Variants in BPIFB2 observed in about 807,000 individuals in gnomAD.
The protein encoded by BPIFB2 is BPI fold containing family B member 2, also known as BPI fold-containing family B member 2.
Under a neutral mutation model 50.1 loss-of-function variants are expected in BPIFB2, and 39 were observed. The observed-to-expected ratio is 0.78, with a 90% CI of 0.60 to 1.02. BPIFB2 has a LOEUF of 1.02. Among genes scored for constraint, BPIFB2 ranks in the 50% least tolerant of loss-of-function variants. The probability of loss-of-function intolerance (pLI) is 0.00; values close to 1 mark genes in which losing one functional copy is unlikely to be tolerated. For missense variants in BPIFB2, 574 were observed against 585.8 expected (o/e 0.98, Z 0.21); for synonymous variants, 280 against 256.3 (o/e 1.09, Z -0.88).
rs554722830 is a variant in BPIFB2, at chr20:33,009,372, C to T, written c.109+689C>T. Among the ~76,000 whole-genome samples the T allele has an allele frequency of 2.6e-5, 4 of 152,264 alleles. No individual in the cohort carries two copies. The highest frequency in any genetic ancestry group is 4.4e-5 in the Non-Finnish European group (3 of 68,026). Reference sequence around the variant, plus strand: ...GGACAGACATTGCCAAGGTCCAGGACGCCAGCACAAACATGTTTATTCACC... The same window carrying T: ...GGACAGACATTGCCAAGGTCCAGGATGCCAGCACAAACATGTTTATTCACC... On this transcript the variant is annotated intron_variant, in intron 2 of 15. Coordinates refer to ENST00000170150, the MANE Select transcript of BPIFB2 (RefSeq NM_025227.3). The surrounding 1 kb of genome is among the most constrained non-coding windows in gnomAD (Gnocchi z 4.2).
In BPIFB2 at chr20:33,020,933, G is replaced by A. The variant is rs117298333; in HGVS notation, c.1194+346G>A. Among the ~76,000 whole-genome samples the A allele has an allele frequency of 8.0e-3, 1,222 of 152,286 alleles. 7 individuals are homozygous for A. Among genetic ancestry groups the A allele is most frequent in the Admixed American group, 0.017 (261 of 15,300 alleles). On this transcript the variant is annotated intron_variant, in intron 13 of 15. Transcript: ENST00000170150. ...CAACATGCCCCCCTTCTACCCAGCC[G>A]TCAGTCTGTCTGTCTGTCGGTCATC...
intron 15 of BPIFB2, among the ~76,000 whole-genome samples, chr20:33,022,088 A>G (rs1978695852): frequency 6.6e-6 from 1 of 152,250 alleles, no homozygotes; most frequent in Non-Finnish European, 1.5e-5. Flanking sequence ...TATCTGGAGC[A>G]GATGACAGTG....
intron 6 of BPIFB2, 48 bp from the exon 7 acceptor site, chr20:33,016,993 GC>G (rs1305166674): frequency 6.4e-7 from 1 of 1,570,204 alleles, no homozygotes; most frequent in Non-Finnish European, 8.8e-7. Flanking sequence ...GTGCCCTCCA[GC>G]CCCAGGGCTG....
intron 14 of BPIFB2, among the ~76,000 whole-genome samples, 153 bp from the exon 15 acceptor site, chr20:33,021,570 C>T (rs1978673331): frequency 6.6e-6 from 1 of 152,238 alleles, no homozygotes; most frequent in Admixed American, 6.5e-5. Flanking sequence ...TCCTTTTTCT[C>T]TCTGAGCCCC....
intron 11 of BPIFB2, 143 bp downstream of exon 11, chr20:33,019,893 C>T (rs1042264115): frequency 7.9e-6 from 9 of 1,145,280 alleles, no homozygotes; most frequent in Non-Finnish European, 9.5e-6. Context: ...GCCCCAGGAC[C>T]TTTGCATGTG....
chr20:33,010,261 CT>C (rs1990267869), intron 2 of BPIFB2, among the ~76,000 whole-genome samples: 1 of 152,212 alleles, frequency 6.6e-6, no homozygotes, highest in African/African-American at 2.4e-5. Context: ...CCAAAGCCAG[CT>C]TTCCCTGGCC....
Position 33,018,248 on chromosome 20 carries a change from G to T in BPIFB2, c.578-11G>T, listed in dbSNP as rs112902255. 5.1e-4 allele frequency: 816 copies of T among 1,598,218 alleles called. 5 individuals carry two copies. In the African/African-American group the frequency reaches 8.9e-3, roughly 18 times the overall value. On this transcript the variant is annotated splice_polypyrimidine_tract_variant and intron_variant, in intron 7 of 15. Transcript: ENST00000170150. ...ATGCCATCTTTTCTTCTCTACCCTG[G>T]TTTCATGAAGGCCTCAACCCCGTGG...
rs1386475417 is a variant in BPIFB2, at chr20:33,018,712, G to A, written c.745G>A (p.Gly249Ser). 1.2e-6 allele frequency: 2 copies of A among 1,614,186 alleles called. No homozygotes were observed. The highest frequency in any genetic ancestry group is 1.7e-5 in the Admixed American group (1 of 60,028). Residue 249 changes from glycine to serine, a missense_variant, in exon 9 of 16, where the codon GGT becomes AGT. Physicochemically the swap from Gly to Ser is moderately conservative, Grantham distance 56. Transcript: ENST00000170150. ...CCCTTTTGTGTTGCCAAGGCATGTGGGTACCGAGGGCTCCATGGCCACCGT... is the reference window on the plus strand; with the variant it reads ...CCCTTTTGTGTTGCCAAGGCATGTGAGTACCGAGGGCTCCATGGCCACCGT... ...ATPFVLPRHV[G>S]TEGSMATVGL...
intron 10 of BPIFB2, among the ~76,000 whole-genome samples, chr20:33,019,348 T>C (rs1348938489): frequency 2.0e-5 from 3 of 152,084 alleles, no homozygotes; most frequent in Non-Finnish European, 2.9e-5. Context: ...TCTCCTCCCT[T>C]TCCCTTATCC....
intron 7 of BPIFB2, among the ~76,000 whole-genome samples, chr20:33,017,925 C>T (rs1365458582): frequency 1.3e-5 from 2 of 152,170 alleles, no homozygotes; most frequent in Non-Finnish European, 2.9e-5. Context: ...TGCTTCTCAC[C>T]TTTGTCAGGG....
In BPIFB2 at chr20:33,015,428, T is replaced by C; in HGVS notation, c.456-8T>C. The C allele has an allele frequency of 6.2e-7, 1 of 1,611,342 alleles. No individual in the cohort carries two copies. The highest frequency in any genetic ancestry group is 8.5e-7 in the Non-Finnish European group (1 of 1,178,820). ...AGCCCAGGAACTCTTTCTGTGTTTC[T>C]CCCTCAGCACCTCCCACGCGCTGCT... On this transcript the variant is annotated splice_polypyrimidine_tract_variant and splice_region_variant and intron_variant, in intron 5 of 15. Coordinates refer to ENST00000170150, the MANE Select transcript of BPIFB2 (RefSeq NM_025227.3).
At chr20:33,014,021 G>A in intron 5 of BPIFB2, 65 bp downstream of exon 5, 4 of 1,557,684 alleles carry the variant, frequency 2.6e-6, no homozygotes, top group Non-Finnish European at 2.6e-6. Context: ...GCTGTTTCCT[G>A]AGCTGCCCAC....
In BPIFB2 at chr20:33,012,839, C is replaced by A; in HGVS notation, c.240C>A (p.His80Gln). The A allele has an allele frequency of 6.2e-7, 1 of 1,614,108 alleles. No homozygotes were observed. Residue 80 changes from histidine (H) to glutamine (Q), a missense_variant, in exon 4 of 16, where the codon CAC (histidine) becomes CAA (glutamine). His to Gln is a conservative substitution (Grantham distance 24). Coordinates refer to ENST00000170150, the MANE Select transcript of BPIFB2 (RefSeq NM_025227.3). The stretch of plus-strand genomic sequence containing the variant: ...TGAATGTCCATGTGCCCCGCCTCCA[C>A]CTGAAATTCATTGCTGGTTTCGGAG... ...RILNVHVPRL[H>Q]LKFIAGFGVR...
At chr20:33,012,462 G>C (rs2146350025) in intron 3 of BPIFB2, among the ~76,000 whole-genome samples, 1 of 152,344 alleles carries the variant, frequency 6.6e-6, no homozygotes, top group East Asian at 1.9e-4. Context: ...ATACCAGAGA[G>C]AGGATTTCTG....
In BPIFB2 at chr20:33,013,830, T is replaced by G; in HGVS notation, c.329T>G (p.Leu110Arg). 6.2e-7 allele frequency: 1 copy of G among 1,613,700 alleles called. No homozygotes were observed. Among genetic ancestry groups the G allele is most frequent in the Non-Finnish European group, 8.5e-7 (1 of 1,179,948 alleles). ...TACAGCGCCCCAGAGCCCCTGGAGC[T>G]GACGCTGCCTGTGGAACTGCTGGCT... Reference protein sequence around the residue: ...KVFRAPEPLELTLPVELLADT... With the variant: ...KVFRAPEPLERTLPVELLADT... The change falls in exon 5 of 16, where the codon CTG becomes CGG. Residue 110 changes from leucine to arginine, a missense_variant. Physicochemically the swap from Leu to Arg is moderately radical, Grantham distance 102. Coordinates refer to ENST00000170150, the MANE Select transcript of BPIFB2 (RefSeq NM_025227.3).
In BPIFB2 at chr20:33,013,856, G is replaced by A. The variant is rs1191765213; in HGVS notation, c.355G>A (p.Asp119Asn). The A allele has an allele frequency of 2.5e-6, 4 of 1,613,702 alleles. No individual in the cohort carries two copies. The highest frequency in any genetic ancestry group is 1.7e-6 in the Non-Finnish European group (2 of 1,179,912). The change falls in exon 5 of 16, where the codon GAC (aspartate) becomes AAC (asparagine). Residue 119 changes from aspartate (D) to asparagine (N), a missense_variant. Coordinates refer to ENST00000170150, the MANE Select transcript of BPIFB2 (RefSeq NM_025227.3). ...GACGCTGCCTGTGGAACTGCTGGCT[G>A]ACACCCGCGTGACCCAGAGCTCCAT... ...ELTLPVELLA[D>N]TRVTQSSIRT...
rs1476761505 is a variant in BPIFB2, at chr20:33,021,771, A to G, written c.1307A>G (p.Tyr436Cys). Residue 436 changes from tyrosine to cysteine, a missense_variant, in exon 15 of 16, where the codon TAT (tyrosine) becomes TGT (cysteine). Coordinates refer to ENST00000170150, the MANE Select transcript of BPIFB2 (RefSeq NM_025227.3). ...IALPGVVNLH[Y>C]VAPEIFVYEG... ...CTCCCTGGTGTGGTCAACCTCCACTATGTCGCCCCTGAGATCTTTGTCTAT... is the reference window on the plus strand; with the variant it reads ...CTCCCTGGTGTGGTCAACCTCCACTGTGTCGCCCCTGAGATCTTTGTCTAT... 33 of 1,614,000 alleles carry G rather than the reference A, an allele frequency of 2.0e-5. No homozygotes were observed. The highest frequency in any genetic ancestry group is 2.6e-5 in the Non-Finnish European group (31 of 1,179,986).
chr20:33,018,848 G>T (rs748380610), intron 9 of BPIFB2, 26 bp downstream of exon 9: 1 of 1,597,372 alleles, frequency 6.3e-7, no homozygotes, highest in Non-Finnish European at 8.5e-7. Flanking sequence ...GCAGCCCAGG[G>T]CCTGTGGGGC....
chr20:33,007,927 C>T (rs1426179755), intron 1 of BPIFB2, among the ~76,000 whole-genome samples, 167 bp downstream of exon 1: 3 of 152,228 alleles, frequency 2.0e-5, no homozygotes, highest in Non-Finnish European at 4.4e-5. Flanking sequence ...GCAGACCCAC[C>T]TGAGCCGCAG....
Sources: allele counts gnomAD v4.1 joint callset (sites outside exome capture counted in the v4.1 genomes callset), GRCh38; gene constraint gnomAD v4.1.1; non-coding constraint Gnocchi (gnomAD v3.1); transcripts MANE v1.5; gene names NCBI Gene and HGNC (gene_info 2026-07-23, HGNC 2026-07-21).